PDCD10: variants seen among roughly 807,000 people sequenced by gnomAD.
PDCD10 encodes programmed cell death 10.
PDCD10 carries 4 observed loss-of-function variants against 29.2 expected under a neutral mutation model. The observed-to-expected ratio is 0.14, with a 90% CI of 0.07 to 0.31. PDCD10 has a LOEUF of 0.31. Among genes scored for constraint, PDCD10 ranks in the 10% least tolerant of loss-of-function variants. PDCD10 has a pLI of 1.00. For missense variants in PDCD10, 183 were observed against 257.9 expected (o/e 0.71, Z 1.99); for synonymous variants, 70 against 82.2 (o/e 0.85, Z 0.80).
At chr3:167,715,534 C>T (rs1368480723) in intron 3 of PDCD10, among the ~76,000 whole-genome samples, 1 of 151,662 alleles carries the variant, frequency 6.6e-6, no homozygotes, top group African/African-American at 2.4e-5. Flanking sequence ...TAACCACCAT[C>T]TATAAACAAC....
chr3:167,711,507 C>T (rs1412360904), intron 3 of PDCD10, among the ~76,000 whole-genome samples: 1 of 152,004 alleles, frequency 6.6e-6, no homozygotes, highest in East Asian at 1.9e-4. Context: ...ATTAAACACT[C>T]CTACAAGATC....
intron 6 of PDCD10, 142 bp downstream of exon 6, chr3:167,695,454 A>T: frequency 1.3e-6 from 1 of 743,602 alleles, no homozygotes; most frequent in Non-Finnish European, 2.3e-6. Flanking sequence ...CCATAAAGTT[A>T]ATAAAATGTG....
chr3:167,695,692 A>T lies in PDCD10; in HGVS notation c.299T>A (p.Phe100Tyr), dbSNP rs1720729460. 8 of 1,613,730 alleles carry T rather than the reference A, an allele frequency of 5.0e-6. No individual in the cohort carries two copies. The highest frequency in any genetic ancestry group is 6.8e-6 in the Non-Finnish European group (8 of 1,179,650). ...TCGTGCCTTTTCGTTTAGGTCTTGG[A>T]ATTCTGGCTCTGGTCGTTCAATCAT... ...EYMIERPEPE[F>Y]QDLNEKARAL... The change falls in exon 6 of 9, where the codon TTC (phenylalanine) becomes TAC (tyrosine). Residue 100 changes from phenylalanine (F) to tyrosine (Y), a missense_variant. By Grantham distance (22) the Phe-to-Tyr change is conservative. Coordinates refer to ENST00000392750, the MANE Select transcript of PDCD10 (RefSeq NM_007217.4).
chr3:167,719,133 T>G (rs536415658), intron 3 of PDCD10, among the ~76,000 whole-genome samples: 1 of 152,260 alleles, frequency 6.6e-6, no homozygotes, highest in Admixed American at 6.5e-5. Context: ...AAATGCAGAA[T>G]CTTACTTTAA....
chr3:167,710,622 G>A (rs1722433878), intron 3 of PDCD10, among the ~76,000 whole-genome samples: 1 of 152,200 alleles, frequency 6.6e-6, no homozygotes, highest in Non-Finnish European at 1.5e-5. Context: ...GGGGCCTGGG[G>A]AAATTATCAT....
chr3:167,704,141 C>T (rs1577342574), intron 4 of PDCD10, among the ~76,000 whole-genome samples: 1 of 152,050 alleles, frequency 6.6e-6, no homozygotes, highest in African/African-American at 2.4e-5. Flanking sequence ...TATTACTTTC[C>T]CACTGAAAAA....
rs554336390 is a variant in PDCD10, at chr3:167,695,890, T to G, written c.269-168A>C. On this transcript the variant is annotated intron_variant, in intron 5 of 8. Transcript: ENST00000392750. ...TTCATTAGCGTTTGACTTAGTCCAG[T>G]AACAACAGCAGGGCTCCCTTCAAGT... Among the ~76,000 whole-genome samples, 31 of 151,446 alleles carry G rather than the reference T, an allele frequency of 2.0e-4. No homozygotes were observed. In the South Asian group the frequency reaches 6.4e-3, roughly 31 times the overall value.
chr3:167,721,170 C>T (rs1362938862), intron 2 of PDCD10, among the ~76,000 whole-genome samples: 1 of 152,080 alleles, frequency 6.6e-6, no homozygotes, highest in Non-Finnish European at 1.5e-5. Context: ...TGATTAATTT[C>T]TACTACTTGT....
intron 6 of PDCD10, among the ~76,000 whole-genome samples, chr3:167,690,615 T>C (rs10513636): frequency 0.26 from 39,825 of 152,142 alleles, 5,650 homozygotes; most frequent in African/African-American, 0.36. Context: ...ATAGCTCAAA[T>C]GTACTCAGGC....
intron 2 of PDCD10, among the ~76,000 whole-genome samples, chr3:167,732,157 C>A (rs1165682142): frequency 6.6e-6 from 1 of 152,148 alleles, no homozygotes; most frequent in Non-Finnish European, 1.5e-5. Context: ...AGTCTTTACT[C>A]CAAAATATTA....
chr3:167,729,381 A>C (rs1724553887), intron 2 of PDCD10, among the ~76,000 whole-genome samples: 1 of 152,178 alleles, frequency 6.6e-6, no homozygotes, highest in Non-Finnish European at 1.5e-5. Flanking sequence ...CTGCTCTGTA[A>C]CTACAACTCT....
intron 3 of PDCD10, among the ~76,000 whole-genome samples, chr3:167,707,475 G>A (rs1264729865): frequency 6.6e-6 from 1 of 151,972 alleles, no homozygotes; most frequent in Non-Finnish European, 1.5e-5. Context: ...TCAGGAGATC[G>A]AGACCATCCT....
chr3:167,715,676 A>G (rs116102928), intron 3 of PDCD10, among the ~76,000 whole-genome samples: 1,990 of 152,164 alleles, frequency 0.013, 39 homozygotes, highest in African/African-American at 0.046. Context: ...AACATCATAG[A>G]CCATCAGAGA....
At chr3:167,733,880 G>GA (rs1244251574) in intron 2 of PDCD10, among the ~76,000 whole-genome samples, 1 of 152,140 alleles carries the variant, frequency 6.6e-6, no homozygotes, top group Non-Finnish European at 1.5e-5. Flanking sequence ...AAAAAAAGGG[G>GA]AAAAATCTGT....
At chr3:167,697,182 G>C (rs1577332176) in intron 4 of PDCD10, 56 bp from the exon 5 acceptor site, 4 of 957,122 alleles carry the variant, frequency 4.2e-6, no homozygotes, top group Admixed American at 1.7e-5. Flanking sequence ...ACATTTTAAA[G>C]CCAAAGTTTA....
intron 4 of PDCD10, among the ~76,000 whole-genome samples, chr3:167,698,771 A>G (rs1013612020): frequency 3.9e-5 from 6 of 152,194 alleles, no homozygotes; most frequent in Non-Finnish European, 2.9e-5. Context: ...CAGGGGACAG[A>G]AAAAGAAAAG....
intron 5 of PDCD10, among the ~76,000 whole-genome samples, chr3:167,695,938 T>G (rs1163555252): frequency 6.9e-6 from 1 of 145,076 alleles, no homozygotes; most frequent in Non-Finnish European, 1.5e-5. Flanking sequence ...AAAGAAAGAA[T>G]AAATATTTTC....
intron 3 of PDCD10, among the ~76,000 whole-genome samples, chr3:167,719,671 T>C (rs189756912): frequency 8.0e-4 from 121 of 152,200 alleles, no homozygotes; most frequent in Middle Eastern, 3.4e-3. Flanking sequence ...ATTAACTCTA[T>C]TTATCTCTTT....
chr3:167,714,009 C>T (rs931308473), intron 3 of PDCD10, among the ~76,000 whole-genome samples: 42 of 151,870 alleles, frequency 2.8e-4, no homozygotes, highest in African/African-American at 9.2e-4. Flanking sequence ...CAAACTATTC[C>T]GAAAAATAGA....
Sources: allele counts gnomAD v4.1 joint callset (sites outside exome capture counted in the v4.1 genomes callset), GRCh38; gene constraint gnomAD v4.1.1; transcripts MANE v1.5; gene names NCBI Gene and HGNC (gene_info 2026-07-23, HGNC 2026-07-21).